CCDC186: variants seen among roughly 807,000 people sequenced by gnomAD.
CCDC186 encodes the protein coiled-coil domain-containing protein 186.
CCDC186 carries 49 observed loss-of-function variants against 113.7 expected under a neutral mutation model. The observed-to-expected ratio is 0.43, with a 90% CI of 0.34 to 0.55. The LOEUF (loss-of-function observed/expected upper bound fraction) is 0.55, where lower values mean the gene tolerates loss of function less well. Among genes scored for constraint, CCDC186 ranks in the 20% least tolerant of loss-of-function variants. The probability of loss-of-function intolerance (pLI) is 0.02; values close to 1 mark genes in which losing one functional copy is unlikely to be tolerated. For synonymous variants in CCDC186, 355 were observed against 345.8 expected (o/e 1.03, Z -0.30); for missense variants, 890 against 1,011.1 (o/e 0.88, Z 1.62).
Position 114,145,611 on chromosome 10 carries a change from T to C in CCDC186, c.1039A>G (p.Thr347Ala). Residue 347 changes from threonine (T) to alanine (A), a missense_variant, in exon 5 of 16, where the codon ACT becomes GCT. Transcript: ENST00000369287. ...TGAGAAAGCTGCTTAATTTTGTTAG[T>C]GTTTTTCTCAAGTTCCTTATTTGCA... Reference protein sequence around the residue: ...RDANKELEKNTNKIKQLSQEK... With the variant: ...RDANKELEKNANKIKQLSQEK... 6.2e-7 allele frequency: 1 copy of C among 1,613,218 alleles called. No homozygotes were observed.
chr10:114,162,976 C>T lies in CCDC186; in HGVS notation c.293G>A (p.Ser98Asn). 6.2e-7 allele frequency: 1 copy of T among 1,613,820 alleles called. No individual in the cohort carries two copies. Among genetic ancestry groups the T allele is most frequent in the East Asian group, 2.2e-5 (1 of 44,872 alleles). Residue 98 changes from serine to asparagine, a missense_variant, in exon 2 of 16, where the codon AGT (serine) becomes AAT (asparagine). Coordinates refer to ENST00000369287, the MANE Select transcript of CCDC186 (RefSeq NM_018017.4). ...ENSEQIANFP[S>N]GNFAKHISKT... ...TGAAATATGTTTAGCAAAATTTCCA[C>T]TAGGAAAATTAGCTATTTGTTCAGA...
intron 6 of CCDC186, among the ~76,000 whole-genome samples, chr10:114,139,887 G>A (rs1174234982): frequency 2.6e-5 from 4 of 152,028 alleles, no homozygotes; most frequent in Non-Finnish European, 5.9e-5. Context: ...CACTTCATTC[G>A]CTCAAAAAAT....
chr10:114,171,278 G>C (rs2032486239), intron 1 of CCDC186, among the ~76,000 whole-genome samples: 1 of 152,084 alleles, frequency 6.6e-6, no homozygotes, highest in Admixed American at 6.5e-5. Flanking sequence ...GCTCACACCT[G>C]TAATCCCAGC....
chr10:114,167,090 G>A (rs977891451), intron 1 of CCDC186, among the ~76,000 whole-genome samples: 1 of 148,814 alleles, frequency 6.7e-6, no homozygotes, highest in African/African-American at 2.5e-5. Flanking sequence ...GCGCGATCTC[G>A]GCTCACTGCA....
chr10:114,122,376 T>C lies in CCDC186; in HGVS notation c.*2767A>G, dbSNP rs892182965. 2 of 152,166 alleles carry C rather than the reference T, an allele frequency of 1.3e-5. No homozygotes were observed. Among genetic ancestry groups the C allele is most frequent in the Admixed American group, 1.3e-4 (2 of 15,280 alleles). 9.4% of individuals were successfully genotyped at this position (152,166 alleles called of 1,614,324 possible). A position where few individuals can be genotyped will look rare whatever the true frequency, so the allele number is the denominator to read the frequency against. ...TCATTCTTCTGCCCAAACCTACCAT[T>C]TTCAGTCCTTAAAACTAAACAGGCT... On this transcript the variant is annotated 3_prime_UTR_variant, in exon 16 of 16. Transcript: ENST00000369287.
chr10:114,160,680 G>GA (rs2032145631), intron 2 of CCDC186, among the ~76,000 whole-genome samples: 1 of 152,008 alleles, frequency 6.6e-6, no homozygotes, highest in Non-Finnish European at 1.5e-5. Flanking sequence ...AAAGCTGGGG[G>GA]AAAAATGAGG....
At chr10:114,168,112 AC>A (rs1228748672) in intron 1 of CCDC186, 1 of 152,252 alleles carries the variant, frequency 6.6e-6, no homozygotes, top group Non-Finnish European at 1.5e-5. Flanking sequence ...CAGTACAGTC[AC>A]AAAATTCCTT....
At chr10:114,144,345 A>G in intron 6 of CCDC186, 152 bp downstream of exon 6, 2 of 863,830 alleles carry the variant, frequency 2.3e-6, no homozygotes, top group Non-Finnish European at 3.3e-6. Flanking sequence ...TCACTAAACT[A>G]AGCTTCATGC....
At chr10:114,138,935 C>T (rs2031369439) in intron 6 of CCDC186, among the ~76,000 whole-genome samples, 1 of 152,124 alleles carries the variant, frequency 6.6e-6, no homozygotes, top group South Asian at 2.1e-4. Flanking sequence ...AGTAGCTTCC[C>T]TTCAGAAAAA....
chr10:114,161,081 C>CT (rs1391385517), intron 2 of CCDC186, among the ~76,000 whole-genome samples: 2 of 152,234 alleles, frequency 1.3e-5, no homozygotes, highest in Non-Finnish European at 2.9e-5. Flanking sequence ...CTCACCCGTG[C>CT]TGTCACTGTT....
At chr10:114,167,957 G>C (rs1487801316) in intron 1 of CCDC186, among the ~76,000 whole-genome samples, 4 of 152,054 alleles carry the variant, frequency 2.6e-5, no homozygotes, top group Non-Finnish European at 1.5e-5. Flanking sequence ...CTGTACTCCA[G>C]CCTGAGCAAG....
intron 7 of CCDC186, 115 bp downstream of exon 7, chr10:114,137,071 T>C: frequency 1.5e-6 from 1 of 689,226 alleles, no homozygotes; most frequent in Non-Finnish European, 2.4e-6. Context: ...GAGCCGAGAC[T>C]GTGCCATTGA....
intron 6 of CCDC186, among the ~76,000 whole-genome samples, chr10:114,137,978 G>A (rs1165891006): frequency 6.2e-5 from 9 of 144,634 alleles, no homozygotes; most frequent in East Asian, 2.1e-4. Flanking sequence ...CGGAGGTTGC[G>A]GTGAGCCGAA....
Position 114,163,320 on chromosome 10 carries a change from C to A in CCDC186, c.-52G>T. The A allele has an allele frequency of 6.5e-7, 1 of 1,549,956 alleles. No homozygotes were observed. Among genetic ancestry groups the A allele is most frequent in the South Asian group, 1.2e-5 (1 of 82,648 alleles). ...ATTCTTCAAATCTGCTCCTGATCTTCGTTTTACATCTAAGAAATTGAAACA... is the reference window on the plus strand; with the variant it reads ...ATTCTTCAAATCTGCTCCTGATCTTAGTTTTACATCTAAGAAATTGAAACA... On this transcript the variant is annotated 5_prime_UTR_variant, in exon 2 of 16. Coordinates refer to ENST00000369287, the MANE Select transcript of CCDC186 (RefSeq NM_018017.4).
At chr10:114,157,501 G>A in intron 3 of CCDC186, 53 bp downstream of exon 3, 5 of 1,506,152 alleles carry the variant, frequency 3.3e-6, no homozygotes, top group Non-Finnish European at 4.5e-6. Flanking sequence ...TGCCAGGAAT[G>A]TATTTATTTT....
intron 1 of CCDC186, among the ~76,000 whole-genome samples, chr10:114,173,646 C>A (rs1269626578): frequency 6.6e-6 from 1 of 152,200 alleles, no homozygotes; most frequent in Non-Finnish European, 1.5e-5. Context: ...GCGATTGAGT[C>A]TAGGAAAGAT....
chr10:114,138,944 A>T (rs2031369748), intron 6 of CCDC186, among the ~76,000 whole-genome samples: 1 of 152,208 alleles, frequency 6.6e-6, no homozygotes, highest in African/African-American at 2.4e-5. Context: ...CCTTCAGAAA[A>T]AAGGCAGATC....
At chr10:114,167,026 T>G (rs932902582) in intron 1 of CCDC186, among the ~76,000 whole-genome samples, 1 of 151,362 alleles carries the variant, frequency 6.6e-6, no homozygotes, top group Non-Finnish European at 1.5e-5. Flanking sequence ...TTTTTTTTTT[T>G]TTTTTTTTTT....
chr10:114,157,178 ATT>A (rs34377537), intron 3 of CCDC186, among the ~76,000 whole-genome samples: 364 of 121,120 alleles, frequency 3.0e-3, no homozygotes, highest in African/African-American at 9.4e-3. Context: ...AGTTTTCAGA[ATT>A]TTTTTTTTTT....
Sources: allele counts gnomAD v4.1 joint callset (sites outside exome capture counted in the v4.1 genomes callset), GRCh38; gene constraint gnomAD v4.1.1; transcripts MANE v1.5; gene names NCBI Gene and HGNC (gene_info 2026-07-23, HGNC 2026-07-21).